The following CAVIN1 variants were observed in gnomAD, a reference collection of about 807,000 sequenced individuals.
The protein encoded by CAVIN1 is caveolae-associated protein 1.
A neutral mutation model predicts 24.0 loss-of-function variants in CAVIN1; 16 were observed. The observed-to-expected ratio is 0.67, with a 90% CI of 0.45 to 1.01. CAVIN1 has a LOEUF of 1.01. Ranked by LOEUF, CAVIN1 falls within the 50% of genes least tolerant of loss-of-function variation. The pLI is 0.00. For synonymous variants in CAVIN1, 256 were observed against 256.4 expected (o/e 1.00, Z 0.02); for missense variants, 510 against 551.7 (o/e 0.92, Z 0.76).
chr17:42,413,373 C>T (rs2085491607), intron 1 of CAVIN1, among the ~76,000 whole-genome samples: 1 of 151,716 alleles, frequency 6.6e-6, no homozygotes, highest in African/African-American at 2.4e-5. Context: ...CAAGACCAGC[C>T]TCAGCAACAT....
chr17:42,414,089 C>T (rs1373693600), intron 1 of CAVIN1, among the ~76,000 whole-genome samples: 4 of 152,020 alleles, frequency 2.6e-5, no homozygotes, highest in South Asian at 4.1e-4. Flanking sequence ...TTGGTAGAGA[C>T]GGAGTTTCGC....
At position 42,423,011 on chromosome 17, in the gene CAVIN1, A is replaced by C; in HGVS notation, c.87T>G (p.Ala29=). ...AEAPEPSSAG[A]QAAEEPSGAG... The stretch of plus-strand genomic sequence containing the variant: ...CCCCCGACGGCTCCTCCGCTGCCTG[A>C]GCCCCAGCGGAGGAAGGCTCCGGGG... The change falls in exon 1 of 2, where the codon GCT becomes GCG. Residue 29 remains alanine, a synonymous_variant. Transcript: ENST00000357037. 6.2e-7 allele frequency: 1 copy of C among 1,612,792 alleles called. No homozygotes were observed. The highest frequency in any genetic ancestry group is 8.5e-7 in the Non-Finnish European group (1 of 1,179,726).
rs913084891 is a variant in CAVIN1 at position 42,408,267 on chromosome 17, C to T, written c.472-2879G>A. ...CCCAGCATCCCCCGCTTCTCCCCTA[C>T]CCCTGCTGCCTGCTCCACCCCACCC... On this transcript the variant is annotated intron_variant, in intron 1 of 1. Coordinates refer to ENST00000357037, the MANE Select transcript of CAVIN1 (RefSeq NM_012232.6). 3.3e-5 allele frequency among the ~76,000 whole-genome samples: 5 copies of T among 151,902 alleles called. No homozygotes were observed. In the South Asian group the frequency reaches 6.3e-4, roughly 19 times the overall value.
chr17:42,415,778 A>T (rs1196740310), intron 1 of CAVIN1, among the ~76,000 whole-genome samples: 1 of 152,120 alleles, frequency 6.6e-6, no homozygotes, highest in African/African-American at 2.4e-5. Flanking sequence ...AAAAAATGCT[A>T]ATGACAGAAT....
intron 1 of CAVIN1, among the ~76,000 whole-genome samples, chr17:42,415,753 A>G (rs2085508212): frequency 6.6e-6 from 1 of 152,108 alleles, no homozygotes; most frequent in Admixed American, 6.6e-5. Context: ...AAAGAAAAAA[A>G]GAAAAGAAAA....
intron 1 of CAVIN1, chr17:42,411,496 G>A: frequency 5.1e-6 from 5 of 985,248 alleles, no homozygotes; most frequent in Non-Finnish European, 6.0e-6. Flanking sequence ...TGGCATCTGT[G>A]AGTTGGCAGC....
At position 42,411,448 on chromosome 17, in the gene CAVIN1, G is replaced by C. The variant is rs186150095; in HGVS notation, c.472-6060C>G. 1.1e-4 allele frequency: 108 copies of C among 985,284 alleles called. 1 individual carries two copies. In the Admixed American group the frequency reaches 2.7e-3, roughly 25 times the overall value. 61.0% of individuals were successfully genotyped at this position (985,284 alleles called of 1,614,324 possible). On this transcript the variant is annotated intron_variant, in intron 1 of 1. Coordinates refer to ENST00000357037, the MANE Select transcript of CAVIN1 (RefSeq NM_012232.6). ...GAAACACTCTGCTATAGGAAGGCCA[G>C]AGGTCCTGAGCCAGAGCCAGCTAGA...
intron 1 of CAVIN1, among the ~76,000 whole-genome samples, chr17:42,414,871 G>A (rs2085502375): frequency 6.6e-6 from 1 of 151,742 alleles, no homozygotes; most frequent in African/African-American, 2.4e-5. Flanking sequence ...CCCTGCCAGG[G>A]CACACCACGG....
In CAVIN1 at chr17:42,413,544, G is replaced by T. The variant is rs1249292390; in HGVS notation, c.472-8156C>A. ...ACTTCACTCTAGCCTGGGCGACAGA[G>T]CAAAAGTCTGTCTCAAAAAGGGAAA... On this transcript the variant is annotated intron_variant, in intron 1 of 1. Coordinates refer to ENST00000357037, the MANE Select transcript of CAVIN1 (RefSeq NM_012232.6). Among the ~76,000 whole-genome samples, 6 of 116,822 alleles carry T rather than the reference G, an allele frequency of 5.1e-5. No individual in the cohort carries two copies. In the Admixed American group the frequency reaches 5.8e-4, roughly 11 times the overall value. The allele number at this position is 116,822 out of a possible 152,430, so 76.6% of individuals were successfully genotyped here. A position where few individuals can be genotyped will look rare whatever the true frequency, so the allele number is the denominator to read the frequency against.
At chr17:42,412,376 T>A in intron 1 of CAVIN1, 8 of 612,440 alleles carry the variant, frequency 1.3e-5, no homozygotes, top group Non-Finnish European at 1.6e-5. Context: ...TGTATTAGGA[T>A]GGAAATAAAC....
At position 42,405,682 on chromosome 17, in the gene CAVIN1, G is replaced by GTT. The variant is rs531661585; in HGVS notation, c.472-296_472-295dup. 2.4e-3 allele frequency among the ~76,000 whole-genome samples: 136 copies of GTT among 57,778 alleles called. 3 individuals are homozygous for GTT. Among genetic ancestry groups the GTT allele is most frequent in the African/African-American group, 3.7e-3 (75 of 20,472 alleles). The allele number at this position is 57,778 out of a possible 152,430, so 37.9% of individuals were successfully genotyped here. Reference sequence around the variant, plus strand: ...CCATTCTTTCTCTCTCTCTCTCCTTGTTTTTTTTTTTTTTTTTTTTTTTAA... The same window carrying GTT: ...CCATTCTTTCTCTCTCTCTCTCCTTGTTTTTTTTTTTTTTTTTTTTTTTTTAA... On this transcript the variant is annotated intron_variant, in intron 1 of 1. Transcript: ENST00000357037.
intron 1 of CAVIN1, among the ~76,000 whole-genome samples, chr17:42,418,397 A>G (rs1380160137): frequency 6.6e-6 from 1 of 151,802 alleles, no homozygotes; most frequent in African/African-American, 2.4e-5. Context: ...ACGCCTGGCT[A>G]ATTTTGTATT....
chr17:42,405,543 C>T (rs897559506), intron 1 of CAVIN1, among the ~76,000 whole-genome samples, 155 bp from the exon 2 acceptor site: 2 of 152,004 alleles, frequency 1.3e-5, no homozygotes, highest in East Asian at 3.9e-4. Context: ...TGTAGGCTCA[C>T]GCCTGTAATA....
rs1233808533 is a variant in CAVIN1, at chr17:42,413,558, CAAAAAGGGAAAAAAAAAAAA to C, written c.472-8190_472-8171del. Among the ~76,000 whole-genome samples the C allele has an allele frequency of 8.8e-5, 5 of 57,010 alleles. No homozygotes were observed. In the East Asian group the frequency reaches 2.8e-3, roughly 32 times the overall value. 37.4% of individuals were successfully genotyped at this position (57,010 alleles called of 152,430 possible). On this transcript the variant is annotated intron_variant, in intron 1 of 1. Transcript: ENST00000357037. ...TGGGCGACAGAGCAAAAGTCTGTCTCAAAAAGGGAAAAAAAAAAAAAAAAAAAAAAAAAAAAAAAAAGAGG... is the reference window on the plus strand; with the variant it reads ...TGGGCGACAGAGCAAAAGTCTGTCTCAAAAAAAAAAAAAAAAAAAAAGAGG...
At chr17:42,421,636 G>C (rs1360725478) in intron 1 of CAVIN1, among the ~76,000 whole-genome samples, 1 of 152,122 alleles carries the variant, frequency 6.6e-6, no homozygotes, top group African/African-American at 2.4e-5. Flanking sequence ...GAGACTCCCA[G>C]GTTTATTGGG....
intron 1 of CAVIN1, among the ~76,000 whole-genome samples, chr17:42,418,611 G>C (rs1471662166): frequency 6.6e-6 from 1 of 151,912 alleles, no homozygotes; most frequent in East Asian, 1.9e-4. Context: ...ATGGTTAATG[G>C]GTACAAAAAT....
In CAVIN1 at chr17:42,405,131, C is replaced by T. The variant is rs150258613; in HGVS notation, c.729G>A (p.Lys243=). 1 of 1,614,048 alleles carries T rather than the reference C, an allele frequency of 6.2e-7. No individual in the cohort carries two copies. The highest frequency in any genetic ancestry group is 8.5e-7 in the Non-Finnish European group (1 of 1,180,008). The change falls in exon 2 of 2, where the codon AAG becomes AAA. Residue 243 remains lysine, a synonymous_variant. Transcript: ENST00000357037. ...GGTTCTCGCGGGTACGCACCTTGGT[C>T]TTCTCCATCTTCTCCTTGGAGAAGG... ...KKAFSKEKME[K]TKVRTRENLE...
chr17:42,410,740 C>T (rs974393433), intron 1 of CAVIN1, among the ~76,000 whole-genome samples: 5 of 151,418 alleles, frequency 3.3e-5, no homozygotes, highest in African/African-American at 9.7e-5. Context: ...GGTGAAACTC[C>T]GTCTCTACTA....
chr17:42,416,593 C>CAAAAAAA (rs34249867), intron 1 of CAVIN1, among the ~76,000 whole-genome samples: 1 of 54,464 alleles, frequency 1.8e-5, no homozygotes, highest in Non-Finnish European at 3.4e-5. Flanking sequence ...GATCCTTTCT[C>CAAAAAAA]AAAAAAAAAA....
Sources: gnomAD v4.1 joint callset for allele counts (sites outside exome capture counted in the v4.1 genomes callset) on GRCh38, gnomAD v4.1.1 for gene constraint, MANE v1.5 for transcripts, NCBI Gene and HGNC (gene_info 2026-07-23, HGNC 2026-07-21) for gene names.